Variants in MYOF observed in about 807,000 individuals in gnomAD.
MYOF encodes the protein myoferlin.
MYOF carries 244 observed loss-of-function variants against 284.2 expected under a neutral mutation model. That is an observed-to-expected ratio of 0.86 (90% CI 0.77 to 0.95). The LOEUF is 0.95. MYOF is among the 40% of genes least tolerant of loss of function. The pLI is 0.00. For missense variants in MYOF, 2,496 were observed against 2,560.6 expected (o/e 0.97, Z 0.54); for synonymous variants, 904 against 919.7 (o/e 0.98, Z 0.31).
Position 93,426,126 on chromosome 10 carries a change from C to T in MYOF, c.378G>A (p.Pro126=), listed in dbSNP as rs779836306. 32 of 1,560,724 alleles carry T rather than the reference C, an allele frequency of 2.1e-5. 1 individual carries two copies. The South Asian group carries it at 2.4e-4, about 12-fold the overall frequency. Reference sequence around the variant, plus strand: ...GGTCATTTGGATGTGGAGCAGAAGGCGGATCATAGCCGATCACCAAGTCAA... The same window carrying T: ...GGTCATTTGGATGTGGAGCAGAAGGTGGATCATAGCCGATCACCAAGTCAA... ...ATIDLVIGYD[P]PSAPHPNDLS... is the part of the protein sequence containing the mutation. The change falls in exon 5 of 54, where the codon CCG becomes CCA. Residue 126 remains proline (P), a synonymous_variant. Transcript: ENST00000359263.
chr10:93,332,285 C>T (rs529131471), intron 43 of MYOF, among the ~76,000 whole-genome samples: 20 of 151,426 alleles, frequency 1.3e-4, no homozygotes, highest in Admixed American at 3.9e-4. Context: ...TGCAATGGCG[C>T]GATCTCAGCT....
chr10:93,344,055 A>T, intron 37 of MYOF, 123 bp from the exon 38 acceptor site: 1 of 968,578 alleles, frequency 1.0e-6, no homozygotes. Flanking sequence ...GATGGGACTT[A>T]CAGAATAGAG....
intron 49 of MYOF, 58 bp from the exon 50 acceptor site, chr10:93,316,871 A>G (rs1033595698): frequency 7.0e-7 from 1 of 1,420,092 alleles, no homozygotes; most frequent in East Asian, 2.3e-5. Context: ...TTGGCTCCTT[A>G]AGACAGCATC....
chr10:93,341,691 ATG>A (rs1843925643), intron 38 of MYOF, among the ~76,000 whole-genome samples: 1 of 152,266 alleles, frequency 6.6e-6, no homozygotes, highest in Admixed American at 6.5e-5. Context: ...GAAGCAACTG[ATG>A]TGACTTGCTT....
chr10:93,310,484 T>C, intron 52 of MYOF, 50 bp downstream of exon 52: 1 of 1,568,104 alleles, frequency 6.4e-7, no homozygotes, highest in Non-Finnish European at 8.8e-7. Context: ...GAAGGGGGGC[T>C]CTCAGCCTGC....
intron 17 of MYOF, among the ~76,000 whole-genome samples, chr10:93,390,022 C>A (rs951401680): frequency 1.3e-5 from 2 of 152,162 alleles, no homozygotes; most frequent in African/African-American, 4.8e-5. Context: ...ATGGGACAGG[C>A]TGCATTAGGG....
intron 45 of MYOF, 79 bp from the exon 46 acceptor site, chr10:93,326,044 A>G (rs1843032375): frequency 1.3e-6 from 2 of 1,574,434 alleles, no homozygotes; most frequent in Non-Finnish European, 1.7e-6. Flanking sequence ...TGCTTCCAGC[A>G]CTTCATCCCA....
chr10:93,369,574 C>T (rs1845491948), intron 25 of MYOF, 71 bp downstream of exon 25: 1 of 1,595,756 alleles, frequency 6.3e-7, no homozygotes. Flanking sequence ...AAATGTTTTC[C>T]ATAAAGGTGA....
chr10:93,430,581 C>CAAAAA (rs747001393), intron 4 of MYOF, among the ~76,000 whole-genome samples: 1 of 86,162 alleles, frequency 1.2e-5, no homozygotes, highest in Non-Finnish European at 2.4e-5. Context: ...GACTCCATCT[C>CAAAAA]AAAAAAAAAA....
chr10:93,379,854 G>T lies in MYOF; in HGVS notation c.2001+9C>A. 6.2e-7 allele frequency: 1 copy of T among 1,613,172 alleles called. No homozygotes were observed. Among genetic ancestry groups the T allele is most frequent in the South Asian group, 1.1e-5 (1 of 90,992 alleles). On this transcript the variant is annotated intron_variant, in intron 21 of 53. Coordinates refer to ENST00000359263, the MANE Select transcript of MYOF (RefSeq NM_013451.4). ...GGTGAAAAGGAAATGCAGAAAAAGA[G>T]AAACTTACCAGCCGTTCTGCCATAG... is the stretch of plus-strand genomic sequence containing the variant.
chr10:93,369,362 A>C (rs990532415), intron 25 of MYOF, among the ~76,000 whole-genome samples: 1 of 152,088 alleles, frequency 6.6e-6, no homozygotes, highest in African/African-American at 2.4e-5. Context: ...ACCCATTTTC[A>C]GTATTGCTAG....
At chr10:93,371,726 C>T (rs1845599072) in intron 24 of MYOF, among the ~76,000 whole-genome samples, 1 of 137,942 alleles carries the variant, frequency 7.2e-6, no homozygotes, top group Non-Finnish European at 1.5e-5. Context: ...TCTCTGGGGC[C>T]TTCAACCTTT....
rs766452027 is a variant in MYOF, at chr10:93,374,930, T to C, written c.2134A>G (p.Lys712Glu). The change falls in exon 23 of 54, where the codon AAA (lysine) becomes GAA (glutamate). Residue 712 changes from lysine to glutamate, a missense_variant. Lys to Glu is a moderately conservative substitution (Grantham distance 56). Around this residue, in one of 3 missense-constraint regions of MYOF, gnomAD observed 2,436 missense variants for 2,480.7 expected, o/e 0.98. Coordinates refer to ENST00000359263, the MANE Select transcript of MYOF (RefSeq NM_013451.4). Reference sequence around the variant, plus strand: ...GTATCGAGAACTGTGACGTTGGCTTTTCCTTCTGTGAGAGGCAACGTGTAT... The same window carrying C: ...GTATCGAGAACTGTGACGTTGGCTTCTCCTTCTGTGAGAGGCAACGTGTAT... Reference protein sequence around the residue: ...TRYTLPLTEGKANVTVLDTQI... With the variant: ...TRYTLPLTEGEANVTVLDTQI... 4.3e-6 allele frequency: 7 copies of C among 1,613,462 alleles called. No homozygotes were observed. In the East Asian group the frequency reaches 1.6e-4, roughly 36 times the overall value.
At chr10:93,427,455 C>T (rs1160359697) in intron 4 of MYOF, among the ~76,000 whole-genome samples, 1 of 144,720 alleles carries the variant, frequency 6.9e-6, no homozygotes, top group Non-Finnish European at 1.5e-5. Flanking sequence ...CTCTTGAACT[C>T]GGGAGGCGGA....
At chr10:93,316,084 C>T (rs1289027922) in intron 50 of MYOF, among the ~76,000 whole-genome samples, 1 of 151,964 alleles carries the variant, frequency 6.6e-6, no homozygotes, top group Admixed American at 6.6e-5. Flanking sequence ...ATGATCGTGC[C>T]ACTGCACTCC....
chr10:93,320,026 G>A lies in MYOF; in HGVS notation c.5457-13C>T, dbSNP rs755728300. 1.9e-6 allele frequency: 3 copies of A among 1,613,908 alleles called. No individual in the cohort carries two copies. The highest frequency in any genetic ancestry group is 2.7e-5 in the African/African-American group (2 of 74,928). ...GCCAGGAATCCAGCTGAAAGGCAGA[G>A]GCAAACAGACTTAGCTTCACGTGAT... On this transcript the variant is annotated splice_polypyrimidine_tract_variant and intron_variant, in intron 48 of 53. Coordinates refer to ENST00000359263, the MANE Select transcript of MYOF (RefSeq NM_013451.4).
rs192187134 is a variant in MYOF at position 93,402,161 on chromosome 10, T to G, written c.990+71A>C. 5 of 1,214,598 alleles carry G rather than the reference T, an allele frequency of 4.1e-6. No individual in the cohort carries two copies. In the Admixed American group the frequency reaches 8.5e-5, roughly 21 times the overall value. The allele number at this position is 1,214,598 out of a possible 1,614,324, so 75.2% of individuals were successfully genotyped here. A position where few individuals can be genotyped will look rare whatever the true frequency, so the allele number is the denominator to read the frequency against. On this transcript the variant is annotated intron_variant, in intron 11 of 53. Transcript: ENST00000359263. ...CTGTGCTCCATTTCACAATTACCCA[T>G]GCCCACATGCTTAACTCTTGGCCTT...
chr10:93,347,109 C>A (rs1844219744), intron 37 of MYOF, among the ~76,000 whole-genome samples: 1 of 152,212 alleles, frequency 6.6e-6, no homozygotes, highest in Non-Finnish European at 1.5e-5. Context: ...AGATTCCAGC[C>A]CAGCTCTGCC....
chr10:93,315,526 G>A (rs1384025253), intron 50 of MYOF, among the ~76,000 whole-genome samples: 1 of 152,098 alleles, frequency 6.6e-6, no homozygotes, highest in Non-Finnish European at 1.5e-5. Flanking sequence ...AGGAGAGCAG[G>A]GGTGAGGTCA....
Sources: gnomAD v4.1 joint callset for allele counts (sites outside exome capture counted in the v4.1 genomes callset) on GRCh38, gnomAD v4.1.1 for gene constraint, gnomAD v4.1.1 regional missense constraint, MANE v1.5 for transcripts, NCBI Gene and HGNC (gene_info 2026-07-23, HGNC 2026-07-21) for gene names.